GPC5: variants seen among roughly 807,000 people sequenced by gnomAD.
GPC5 encodes glypican-5.
GPC5 carries 47 observed loss-of-function variants against 53.9 expected under a neutral mutation model. The observed-to-expected ratio is 0.87, with a 90% CI of 0.69 to 1.11. GPC5 has a LOEUF of 1.11. Among genes scored for constraint, GPC5 ranks in the 50% most tolerant of loss-of-function variants. GPC5 has a pLI of 0.00. For missense variants in GPC5, 748 were observed against 713.1 expected (o/e 1.05, Z -0.56); for synonymous variants, 286 against 263.3 (o/e 1.09, Z -0.84).
intron 7 of GPC5, among the ~76,000 whole-genome samples, chr13:92,296,742 T>C (rs1419603998): frequency 6.6e-6 from 1 of 152,104 alleles, no homozygotes; most frequent in African/African-American, 2.4e-5. Context: ...GTGGGCTTGG[T>C]GGGCCCCGCA....
intron 7 of GPC5, among the ~76,000 whole-genome samples, chr13:92,581,123 T>C (rs1408927916): frequency 6.6e-6 from 1 of 152,192 alleles, no homozygotes; most frequent in Admixed American, 6.6e-5. Flanking sequence ...ATATACAATA[T>C]ATTTGCATTA....
chr13:91,752,857 G>A (rs918915373), intron 4 of GPC5, among the ~76,000 whole-genome samples: 1 of 152,172 alleles, frequency 6.6e-6, no homozygotes, highest in Non-Finnish European at 1.5e-5. Context: ...GCTTTGAAAT[G>A]TGCAGTCTTG....
intron 7 of GPC5, among the ~76,000 whole-genome samples, chr13:92,684,989 G>A (rs1349612545): frequency 6.6e-6 from 1 of 152,290 alleles, no homozygotes; most frequent in Non-Finnish European, 1.5e-5. Flanking sequence ...AATGACATAT[G>A]ATGTTGAGCA....
At chr13:91,607,934 A>G (rs777083751) in intron 2 of GPC5, among the ~76,000 whole-genome samples, 2 of 152,206 alleles carry the variant, frequency 1.3e-5, no homozygotes, top group African/African-American at 4.8e-5. Flanking sequence ...TTTTCTGAGT[A>G]ATGGTGATTT....
At chr13:92,386,888 G>A (rs1171935438) in intron 7 of GPC5, among the ~76,000 whole-genome samples, 1 of 151,986 alleles carries the variant, frequency 6.6e-6, no homozygotes, top group Non-Finnish European at 1.5e-5. Context: ...CAGGTTATTA[G>A]GCAGTGCATT....
chr13:92,033,037 G>A (rs1439157051), intron 6 of GPC5, among the ~76,000 whole-genome samples: 1 of 3,758 alleles, frequency 2.7e-4, no homozygotes, highest in East Asian at 0.011. Flanking sequence ...AGTTATTGTC[G>A]TGTGTGTGTG....
chr13:92,519,773 A>G (rs1594270228), intron 7 of GPC5, among the ~76,000 whole-genome samples: 2 of 152,354 alleles, frequency 1.3e-5, no homozygotes, highest in South Asian at 4.1e-4. Context: ...AGAAATAACT[A>G]AGATCAGAGA....
chr13:92,059,259 T>A lies in GPC5; in HGVS notation c.1402-85571T>A, dbSNP rs143504884. 5.4e-3 allele frequency among the ~76,000 whole-genome samples: 823 copies of A among 151,224 alleles called. 10 individuals carry two copies. Among genetic ancestry groups the A allele is most frequent in the African/African-American group, 0.019 (776 of 40,578 alleles). The stretch of plus-strand genomic sequence containing the variant: ...AACAATGCAGCACACATCTGGAGGG[T>A]AATTACCCATTATATAGAAGTAACA... On this transcript the variant is annotated intron_variant, in intron 6 of 7. Coordinates refer to ENST00000377067, the MANE Select transcript of GPC5 (RefSeq NM_004466.6).
chr13:92,138,578 C>A (rs957974175), intron 6 of GPC5, among the ~76,000 whole-genome samples: 2 of 151,874 alleles, frequency 1.3e-5, no homozygotes, highest in African/African-American at 4.8e-5. Context: ...ATACTGGCTT[C>A]ATTATCAATC....
At chr13:91,786,148 C>G (rs1475643156) in intron 5 of GPC5, among the ~76,000 whole-genome samples, 1 of 152,126 alleles carries the variant, frequency 6.6e-6, no homozygotes, top group Non-Finnish European at 1.5e-5. Context: ...AGGTGCCCAC[C>G]ACCACGCCTG....
intron 7 of GPC5, among the ~76,000 whole-genome samples, chr13:92,760,373 A>G (rs1875113271): frequency 6.6e-6 from 1 of 152,006 alleles, no homozygotes; most frequent in Non-Finnish European, 1.5e-5. Context: ...GACTGTTCAG[A>G]TTTATATGTC....
At chr13:91,819,136 T>TA (rs966519747) in intron 5 of GPC5, among the ~76,000 whole-genome samples, 5 of 142,898 alleles carry the variant, frequency 3.5e-5, no homozygotes, top group Non-Finnish European at 7.6e-5. Flanking sequence ...TTCTTTTTAT[T>TA]AAAAAAAATA....
chr13:92,398,351 C>T (rs912561821), intron 7 of GPC5, among the ~76,000 whole-genome samples: 8 of 143,206 alleles, frequency 5.6e-5, no homozygotes, highest in African/African-American at 2.1e-4. Flanking sequence ...ATGGCGTGAA[C>T]CCGGGAGGCG....
At chr13:92,253,851 A>G (rs1242883007) in intron 7 of GPC5, among the ~76,000 whole-genome samples, 2 of 152,122 alleles carry the variant, frequency 1.3e-5, no homozygotes, top group African/African-American at 4.8e-5. Flanking sequence ...TTAAAATATT[A>G]TTAGTTAGGG....
chr13:92,474,585 G>A (rs1205729540), intron 7 of GPC5, among the ~76,000 whole-genome samples: 2 of 151,048 alleles, frequency 1.3e-5, no homozygotes, highest in African/African-American at 2.4e-5. Context: ...AGGGAAATAT[G>A]TATGGTATAA....
chr13:91,762,683 C>T (rs1204141355), intron 5 of GPC5, among the ~76,000 whole-genome samples: 1 of 151,556 alleles, frequency 6.6e-6, no homozygotes, highest in Non-Finnish European at 1.5e-5. Flanking sequence ...ATACCTATAG[C>T]CTATCATATT....
chr13:92,132,323 T>C (rs1015557658), intron 6 of GPC5, among the ~76,000 whole-genome samples: 1 of 152,172 alleles, frequency 6.6e-6, no homozygotes, highest in Admixed American at 6.6e-5. Flanking sequence ...TTTTAGTCTA[T>C]AACAATGTAT....
chr13:92,196,982 G>A (rs2042261045), intron 7 of GPC5, among the ~76,000 whole-genome samples: 1 of 152,116 alleles, frequency 6.6e-6, no homozygotes, highest in South Asian at 2.1e-4. Context: ...TACCGAAAAC[G>A]GTACACTGGA....
chr13:92,797,819 T>TGATA (rs10553721), intron 7 of GPC5, among the ~76,000 whole-genome samples: 35,656 of 143,378 alleles, frequency 0.25, 4,472 homozygotes, highest in South Asian at 0.29. Context: ...ATTCAAGGGA[T>TGATA]GATAGATAGA....
Sources: gnomAD v4.1 joint callset for allele counts (sites outside exome capture counted in the v4.1 genomes callset) on GRCh38, gnomAD v4.1.1 for gene constraint, MANE v1.5 for transcripts, NCBI Gene and HGNC (gene_info 2026-07-23, HGNC 2026-07-21) for gene names.